Variants in CADM2 observed in about 807,000 individuals in gnomAD.
The protein encoded by CADM2 is immunoglobulin superfamily member 4D.
A neutral mutation model predicts 49.8 loss-of-function variants in CADM2; 12 were observed. The ratio of observed to expected loss-of-function variants is 0.24; its 90% CI spans 0.15 to 0.39. The LOEUF is 0.39. Among genes scored for constraint, CADM2 ranks in the 10% least tolerant of loss-of-function variants. The probability of loss-of-function intolerance (pLI) is 1.00; values close to 1 mark genes in which losing one functional copy is unlikely to be tolerated. For missense variants in CADM2, 378 were observed against 492.3 expected (o/e 0.77, Z 2.20); for synonymous variants, 214 against 175.4 (o/e 1.22, Z -1.74).
At chr3:85,373,797 A>C (rs925426378) in intron 1 of CADM2, among the ~76,000 whole-genome samples, 1 of 152,266 alleles carries the variant, frequency 6.6e-6, no homozygotes, top group Non-Finnish European at 1.5e-5. Context: ...CCTTTGAAGC[A>C]ACAGCCTAAG....
At chr3:84,980,940 G>C (rs1429703840) in intron 1 of CADM2, among the ~76,000 whole-genome samples, 1 of 151,918 alleles carries the variant, frequency 6.6e-6, no homozygotes, top group African/African-American at 2.4e-5. Flanking sequence ...CACACTCAGT[G>C]GTATTTTGTA....
At chr3:85,257,516 C>T (rs2042914762) in intron 1 of CADM2, among the ~76,000 whole-genome samples, 1 of 152,088 alleles carries the variant, frequency 6.6e-6, no homozygotes, top group Non-Finnish European at 1.5e-5. Flanking sequence ...TAGGGCCTAT[C>T]TATCCCTCTT....
chr3:85,365,368 C>T (rs954605608), intron 1 of CADM2, among the ~76,000 whole-genome samples: 3 of 151,690 alleles, frequency 2.0e-5, no homozygotes, highest in East Asian at 1.9e-4. Flanking sequence ...TTTCAACAAA[C>T]GTACTTGAAG....
chr3:85,886,426 T>C lies in CADM2; in HGVS notation c.529+99T>C, dbSNP rs1054847631. On this transcript the variant is annotated intron_variant, in intron 5 of 9. Coordinates refer to ENST00000383699, the MANE Select transcript of CADM2 (RefSeq NM_001167675.2). ...ACATTATTTTTCAAAACATAGTGTCTCTTACAGATTATGCATCATTTGAAC... is the reference window on the plus strand; with the variant it reads ...ACATTATTTTTCAAAACATAGTGTCCCTTACAGATTATGCATCATTTGAAC... The C allele has an allele frequency of 5.9e-6, 5 of 848,910 alleles. No homozygotes were observed. The Admixed American group carries it at 9.2e-5, about 16-fold the overall frequency. The allele number at this position is 848,910 out of a possible 1,614,324, so 52.6% of individuals were successfully genotyped here.
intron 1 of CADM2, among the ~76,000 whole-genome samples, chr3:85,660,751 T>C (rs976675702): frequency 1.3e-5 from 2 of 152,038 alleles, no homozygotes; most frequent in African/African-American, 2.4e-5. Flanking sequence ...CTTCAAGGTT[T>C]AAAAATAACA....
intron 1 of CADM2, among the ~76,000 whole-genome samples, chr3:85,454,795 A>C (rs2037918896): frequency 6.6e-6 from 1 of 152,158 alleles, no homozygotes; most frequent in African/African-American, 2.4e-5. Flanking sequence ...GCCTTTAGGG[A>C]GCTTAAAGTT....
rs551389775 is a variant in CADM2, at chr3:85,857,410, G to A, written c.239-25881G>A. ...CCTAGGGAATCTTGGGTTTAACAGG[G>A]AAGGTTTAGAGAATACTTATGGCAG... On this transcript the variant is annotated intron_variant, in intron 3 of 9. Transcript: ENST00000383699. Among the ~76,000 whole-genome samples the A allele has an allele frequency of 3.3e-5, 5 of 152,294 alleles. No homozygotes were observed. In the East Asian group the frequency reaches 9.7e-4, roughly 29 times the overall value.
intron 1 of CADM2, among the ~76,000 whole-genome samples, chr3:85,337,644 G>C (rs72903250): frequency 0.073 from 11,041 of 151,412 alleles, 735 homozygotes; most frequent in African/African-American, 0.18. Flanking sequence ...ACCACTTTGA[G>C]AGTCTAGCCT....
At chr3:85,566,161 C>T (rs955556307) in intron 1 of CADM2, among the ~76,000 whole-genome samples, 5 of 152,058 alleles carry the variant, frequency 3.3e-5, no homozygotes, top group African/African-American at 1.2e-4. Context: ...CTAGCAAATC[C>T]TTAAGTTTTT....
chr3:85,657,673 T>C (rs527738050), intron 1 of CADM2, among the ~76,000 whole-genome samples: 46 of 148,476 alleles, frequency 3.1e-4, no homozygotes, highest in Non-Finnish European at 6.2e-4. Flanking sequence ...TATATGTATA[T>C]ACACACTTAT....
At position 85,183,640 on chromosome 3, in the gene CADM2, C is replaced by CA. The variant is rs1356480358; in HGVS notation, c.61+223974dup. On this transcript the variant is annotated intron_variant, in intron 1 of 9. Transcript: ENST00000383699. ...TGTATATGTTTAGATTTGAAGTAAC[C>CA]AATCTCTTCATAAATCTTACTATTC... Among the ~76,000 whole-genome samples the CA allele has an allele frequency of 2.0e-5, 3 of 152,188 alleles. No individual in the cohort carries two copies. The East Asian group carries it at 5.8e-4, about 29-fold the overall frequency.
chr3:84,996,383 ATAAT>A (rs982598872), intron 1 of CADM2, among the ~76,000 whole-genome samples: 6 of 152,118 alleles, frequency 3.9e-5, no homozygotes, highest in African/African-American at 1.4e-4. Context: ...CATTCACCTA[ATAAT>A]TAATTTACTT....
At chr3:85,005,359 C>T (rs1211349471) in intron 1 of CADM2, among the ~76,000 whole-genome samples, 1 of 152,110 alleles carries the variant, frequency 6.6e-6, no homozygotes, top group Admixed American at 6.6e-5. Context: ...TAGTTTGCCT[C>T]ATGGATCATG....
At chr3:85,592,759 G>A (rs958861896) in intron 1 of CADM2, among the ~76,000 whole-genome samples, 1 of 151,768 alleles carries the variant, frequency 6.6e-6, no homozygotes, top group Non-Finnish European at 1.5e-5. Flanking sequence ...GAACGTGCAG[G>A]TTTGTTACAT....
At chr3:85,039,142 G>C (rs1376394686) in intron 1 of CADM2, among the ~76,000 whole-genome samples, 2 of 152,038 alleles carry the variant, frequency 1.3e-5, no homozygotes, top group African/African-American at 4.8e-5. Context: ...GCTGGGATTA[G>C]AGGTACCCGC....
At chr3:86,009,516 G>A (rs1013394992) in intron 8 of CADM2, among the ~76,000 whole-genome samples, 9 of 151,538 alleles carry the variant, frequency 5.9e-5, no homozygotes, top group African/African-American at 1.2e-4. Flanking sequence ...CGATGAAATC[G>A]TATTTTGTTA....
At chr3:86,063,810 C>G (rs1470979347) in intron 8 of CADM2, among the ~76,000 whole-genome samples, 1 of 152,140 alleles carries the variant, frequency 6.6e-6, no homozygotes, top group African/African-American at 2.4e-5. Context: ...TTTACTTTCA[C>G]TGTCCGTTAA....
At chr3:84,983,174 A>G (rs1490625151) in intron 1 of CADM2, among the ~76,000 whole-genome samples, 1 of 152,158 alleles carries the variant, frequency 6.6e-6, no homozygotes, top group East Asian at 1.9e-4. Flanking sequence ...TTCATTTTGC[A>G]ATGTATCATT....
intron 1 of CADM2, among the ~76,000 whole-genome samples, chr3:85,443,658 C>A (rs62250694): frequency 0.044 from 6,655 of 152,214 alleles, 203 homozygotes; most frequent in Middle Eastern, 0.068. Context: ...TGATTAACAA[C>A]CTACCTCCAT....
Sources: gnomAD v4.1 joint callset for allele counts (sites outside exome capture counted in the v4.1 genomes callset) on GRCh38, gnomAD v4.1.1 for gene constraint, MANE v1.5 for transcripts, NCBI Gene and HGNC (gene_info 2026-07-23, HGNC 2026-07-21) for gene names.